POU2F1: variants seen among roughly 807,000 people sequenced by gnomAD.
POU2F1 encodes POU domain, class 2, transcription factor 1.
POU2F1 carries 16 observed loss-of-function variants against 84.9 expected under a neutral mutation model. That is an observed-to-expected ratio of 0.19 (90% CI 0.13 to 0.29). The LOEUF (loss-of-function observed/expected upper bound fraction) is 0.29, where lower values mean the gene tolerates loss of function less well. Among genes scored for constraint, POU2F1 ranks in the 10% least tolerant of loss-of-function variants. The pLI is 1.00. For synonymous variants in POU2F1, 368 were observed against 368.3 expected, an observed-to-expected ratio of 1.00 and a Z score of 0.01; for missense variants, 738 against 942.6, an observed-to-expected ratio of 0.78 and a Z score of 2.84.
At chr1:167,389,536 C>T in intron 8 of POU2F1, 52 bp from the exon 9 acceptor site, 2 of 1,600,806 alleles carry the variant, frequency 1.2e-6, no homozygotes, top group South Asian at 2.2e-5. Flanking sequence ...TGGAGTAAAC[C>T]TAAATATCTC....
chr1:167,243,395 CTTA>C (rs1234043471), intron 1 of POU2F1, among the ~76,000 whole-genome samples: 3 of 152,232 alleles, frequency 2.0e-5, no homozygotes, highest in African/African-American at 7.2e-5. Context: ...TAAACTATTT[CTTA>C]TTATCTTCAA....
At chr1:167,329,780 T>C (rs1183646944) in intron 1 of POU2F1, among the ~76,000 whole-genome samples, 1 of 152,224 alleles carries the variant, frequency 6.6e-6, no homozygotes, top group Non-Finnish European at 1.5e-5. Flanking sequence ...TAAATGTTAA[T>C]AAAGAGGGTA....
intron 1 of POU2F1, among the ~76,000 whole-genome samples, chr1:167,308,216 A>C (rs1365589646): frequency 6.6e-6 from 1 of 151,798 alleles, no homozygotes; most frequent in Non-Finnish European, 1.5e-5. Context: ...ACAGGTGCAC[A>C]CCACCACGCC....
chr1:167,273,161 T>A (rs1652492217), intron 1 of POU2F1, among the ~76,000 whole-genome samples: 1 of 152,228 alleles, frequency 6.6e-6, no homozygotes, highest in South Asian at 2.1e-4. Flanking sequence ...CGGGCAGCAC[T>A]GATGCAAGGG....
intron 1 of POU2F1, among the ~76,000 whole-genome samples, chr1:167,266,210 G>C (rs1395787502): frequency 6.6e-6 from 1 of 152,124 alleles, no homozygotes; most frequent in East Asian, 1.9e-4. Flanking sequence ...CATGCCATAG[G>C]TTCTGCCTTT....
chr1:167,312,851 A>G (rs1338849757), intron 1 of POU2F1, among the ~76,000 whole-genome samples: 1 of 152,224 alleles, frequency 6.6e-6, no homozygotes, highest in Non-Finnish European at 1.5e-5. Context: ...ATGTATGTTT[A>G]GATATTCAAA....
At chr1:167,415,228 ACT>A (rs1254714098) in intron 15 of POU2F1, among the ~76,000 whole-genome samples, 1 of 152,158 alleles carries the variant, frequency 6.6e-6, no homozygotes, top group Non-Finnish European at 1.5e-5. Flanking sequence ...CACGAACATG[ACT>A]CTAATTCATT....
intron 1 of POU2F1, among the ~76,000 whole-genome samples, chr1:167,326,749 T>G (rs1032623496): frequency 6.6e-6 from 1 of 152,140 alleles, no homozygotes; most frequent in African/African-American, 2.4e-5. Context: ...GCTCTTTCAC[T>G]AGGAAGGTGC....
intron 1 of POU2F1, among the ~76,000 whole-genome samples, chr1:167,221,361 T>C (rs1344195020): frequency 6.0e-5 from 9 of 149,986 alleles, no homozygotes; most frequent in Non-Finnish European, 1.2e-4. Context: ...AATAAAGACA[T>C]TTTACATATT....
chr1:167,338,442 T>C (rs1657622010), intron 2 of POU2F1, among the ~76,000 whole-genome samples: 1 of 152,226 alleles, frequency 6.6e-6, no homozygotes, highest in Non-Finnish European at 1.5e-5. Context: ...GATTTTCAAC[T>C]GTTTGTGGGG....
At chr1:167,336,529 A>G (rs1657459973) in intron 2 of POU2F1, among the ~76,000 whole-genome samples, 1 of 152,230 alleles carries the variant, frequency 6.6e-6, no homozygotes, top group African/African-American at 2.4e-5. Context: ...GAGGCAAGTC[A>G]TAATGTTATA....
intron 1 of POU2F1, among the ~76,000 whole-genome samples, chr1:167,318,282 G>A (rs1212910999): frequency 2.6e-5 from 4 of 152,116 alleles, no homozygotes; most frequent in African/African-American, 7.2e-5. Flanking sequence ...CCACTAGACC[G>A]CCATGTTTTC....
At chr1:167,315,403 A>G (rs1200417817) in intron 1 of POU2F1, among the ~76,000 whole-genome samples, 3 of 152,148 alleles carry the variant, frequency 2.0e-5, no homozygotes, top group Admixed American at 1.3e-4. Flanking sequence ...CTATGTACGA[A>G]TGTTTACAGC....
chr1:167,393,784 T>G (rs1031342911), intron 9 of POU2F1, among the ~76,000 whole-genome samples: 2 of 152,232 alleles, frequency 1.3e-5, no homozygotes. Context: ...TAGCTTATTG[T>G]GCAGTTACTA....
intron 1 of POU2F1, among the ~76,000 whole-genome samples, chr1:167,314,035 G>C (rs1655695825): frequency 6.6e-6 from 1 of 151,774 alleles, no homozygotes; most frequent in Non-Finnish European, 1.5e-5. Context: ...CGTCTCTACT[G>C]AAAATACAAA....
In POU2F1 at chr1:167,417,102, G is replaced by A. The variant is rs1397681579; in HGVS notation, c.*1292G>A. On this transcript the variant is annotated 3_prime_UTR_variant, in exon 16 of 16. Transcript: ENST00000367866. The stretch of plus-strand genomic sequence containing the variant: ...TTCCATTGATAATATATACAAAAGA[G>A]GTGTGATGAGAAGGGTATAAGGTTA... 6.6e-6 allele frequency: 1 copy of A among 152,230 alleles called. No individual in the cohort carries two copies. Among genetic ancestry groups the A allele is most frequent in the Non-Finnish European group, 1.5e-5 (1 of 68,044 alleles). The allele number at this position is 152,230 out of a possible 1,614,324, so 9.4% of individuals were successfully genotyped here. A position where few individuals can be genotyped will look rare whatever the true frequency, so the allele number is the denominator to read the frequency against.
chr1:167,237,753 TA>T (rs1557836435), intron 1 of POU2F1, among the ~76,000 whole-genome samples: 2 of 44,490 alleles, frequency 4.5e-5, no homozygotes, highest in Non-Finnish European at 7.5e-5. Context: ...TGTGTATATA[TA>T]TATATATATA....
chr1:167,407,957 G>A (rs540119531), intron 13 of POU2F1, among the ~76,000 whole-genome samples: 2 of 152,264 alleles, frequency 1.3e-5, no homozygotes, highest in African/African-American at 4.8e-5. Context: ...CACAGACTGA[G>A]AGAAAACATT....
At chr1:167,307,245 C>G (rs1417045963) in intron 1 of POU2F1, among the ~76,000 whole-genome samples, 3 of 152,068 alleles carry the variant, frequency 2.0e-5, no homozygotes, top group Non-Finnish European at 4.4e-5. Context: ...GGCTTTATGT[C>G]TGAACTTCCA....
Sources: gnomAD v4.1 joint callset for allele counts (sites outside exome capture counted in the v4.1 genomes callset) on GRCh38, gnomAD v4.1.1 for gene constraint, MANE v1.5 for transcripts, NCBI Gene and HGNC (gene_info 2026-07-23, HGNC 2026-07-21) for gene names.